The following ADAMTS2 variants were observed in gnomAD, a reference collection of about 807,000 sequenced individuals.
The protein encoded by ADAMTS2 is A disintegrin and metalloproteinase with thrombospondin motifs 2.
In ADAMTS2, 50 loss-of-function variants were observed where a neutral mutation model predicts 123.0. The ratio of observed to expected loss-of-function variants is 0.41; its 90% CI spans 0.32 to 0.51. The LOEUF is 0.51. Ranked by LOEUF, ADAMTS2 falls within the 20% of genes least tolerant of loss-of-function variation. The pLI is 0.35. For synonymous variants in ADAMTS2, 678 were observed against 695.4 expected (o/e 0.98, Z 0.39); for missense variants, 1,494 against 1,705.2 (o/e 0.88, Z 2.18).
rs1359008532 is a variant in ADAMTS2 at position 179,262,379 on chromosome 5, C to T, written c.688+10532G>A. Among the ~76,000 whole-genome samples, 1 of 152,064 alleles carries T rather than the reference C, an allele frequency of 6.6e-6. No homozygotes were observed. The highest frequency in any genetic ancestry group is 1.5e-5 in the Non-Finnish European group (1 of 68,006). On this transcript the variant is annotated intron_variant, in intron 3 of 21. Transcript: ENST00000251582. The surrounding 1 kb of genome is among the most constrained non-coding windows in gnomAD (Gnocchi z 5.9). ...CCACTGCCTCCACCGCCATCTGTCACCGGGACTCCTCCCTGCTTCCACACC... is the reference window on the plus strand; with the variant it reads ...CCACTGCCTCCACCGCCATCTGTCATCGGGACTCCTCCCTGCTTCCACACC...
chr5:179,137,796 G>A lies in ADAMTS2; in HGVS notation c.1924C>T (p.His642Tyr). The change falls in exon 12 of 22, where the codon CAC (histidine) becomes TAC (tyrosine). Residue 642 changes from histidine (H) to tyrosine (Y), a missense_variant. This residue lies in a region of ADAMTS2 where 953 missense variants were observed against 1,124.7 expected (regional missense o/e 0.85). Transcript: ENST00000251582. ...LYFEHGDAQH[H>Y]WLPHEHRDAK... The stretch of plus-strand genomic sequence containing the variant: ...TCCCGGTGCTCGTGGGGCAGCCAGT[G>A]GTGCTGGGCGTCGCCGTGCTCGAAG... 6.3e-7 allele frequency: 1 copy of A among 1,578,978 alleles called. No individual in the cohort carries two copies. Among genetic ancestry groups the A allele is most frequent in the Non-Finnish European group, 8.6e-7 (1 of 1,164,844 alleles).
At position 179,126,030 on chromosome 5, in the gene ADAMTS2, T is replaced by A. The variant is rs1762850159; in HGVS notation, c.2718A>T (p.Arg906Ser). ...GGGAGCATTCCTGTGGGTTGCACGC[T>A]CTGCGGATGGCTTTGGGCTTCGAGA... ...AALSKPKAIR[R>S]ACNPQECSQP... The change falls in exon 18 of 22, where the codon AGA (arginine) becomes AGT (serine). Residue 906 changes from arginine (R) to serine (S), a missense_variant. Around this residue, in one of 6 missense-constraint regions of ADAMTS2, gnomAD observed 953 missense variants for 1,124.7 expected, o/e 0.85. Transcript: ENST00000251582. 6.8e-6 allele frequency: 11 copies of A among 1,613,424 alleles called. No homozygotes were observed. Among genetic ancestry groups the A allele is most frequent in the Non-Finnish European group, 8.5e-6 (10 of 1,180,026 alleles).
intron 3 of ADAMTS2, among the ~76,000 whole-genome samples, chr5:179,236,159 C>T (rs1765516812): frequency 6.6e-6 from 1 of 152,220 alleles, no homozygotes; most frequent in African/African-American, 2.4e-5. Context: ...GGAAGAGCTG[C>T]CTTGGGAGCA....
rs1307263157 is a variant in ADAMTS2 at position 179,153,517 on chromosome 5, C to T, written c.1489G>A (p.Gly497Ser). The T allele has an allele frequency of 3.7e-6, 6 of 1,610,412 alleles. No individual in the cohort carries two copies. The highest frequency in any genetic ancestry group is 4.5e-5 in the East Asian group (2 of 44,884). Residue 497 changes from glycine (G) to serine (S), a missense_variant, in exon 9 of 22, where the codon GGC (glycine) becomes AGC (serine). Coordinates refer to ENST00000251582, the MANE Select transcript of ADAMTS2 (RefSeq NM_014244.5). ...GCCGTGCACATCATGTAGCCCAGGC[C>T]GAAGTCAAAGCGGCATTGCTCGTTC... is the stretch of plus-strand genomic sequence containing the variant. ...SMNEQCRFDF[G>S]LGYMMCTAFR...
In ADAMTS2 at chr5:179,128,447, T is replaced by C. The variant is rs985437072; in HGVS notation, c.2458-329A>G. Among the ~76,000 whole-genome samples the C allele has an allele frequency of 2.0e-5, 3 of 152,112 alleles. No homozygotes were observed. Among genetic ancestry groups the C allele is most frequent in the African/African-American group, 4.8e-5 (2 of 41,430 alleles). On this transcript the variant is annotated intron_variant, in intron 16 of 21. Coordinates refer to ENST00000251582, the MANE Select transcript of ADAMTS2 (RefSeq NM_014244.5). The surrounding 1 kb of genome is among the most constrained non-coding windows in gnomAD (Gnocchi z 4.9). ...CGCTCTTGTAGCCCAGGCTGGAGTG[T>C]AGTGGCACGATCTCGGCTCACTGCA... is the stretch of plus-strand genomic sequence containing the variant.
intron 2 of ADAMTS2, among the ~76,000 whole-genome samples, chr5:179,324,548 G>T (rs186850121): frequency 1.3e-5 from 2 of 151,950 alleles, no homozygotes; most frequent in Non-Finnish European, 2.9e-5. Flanking sequence ...CCGCCACCAC[G>T]CCCGGCTAGT....
rs374177400 is a variant in ADAMTS2, at chr5:179,111,242, G to A, written c.*2625C>T. 1 of 152,324 alleles carries A rather than the reference G, an allele frequency of 6.6e-6. No homozygotes were observed. The highest frequency in any genetic ancestry group is 2.4e-5 in the African/African-American group (1 of 41,584). 9.4% of individuals were successfully genotyped at this position (152,324 alleles called of 1,614,324 possible). ...CAGGGACACTGTTGCAGATTTTCTAGTGCAGCGGAAGGTCTGAGTCTCATC... is the reference window on the plus strand; with the variant it reads ...CAGGGACACTGTTGCAGATTTTCTAATGCAGCGGAAGGTCTGAGTCTCATC... On this transcript the variant is annotated 3_prime_UTR_variant, in exon 22 of 22. Coordinates refer to ENST00000251582, the MANE Select transcript of ADAMTS2 (RefSeq NM_014244.5).
At chr5:179,340,295 G>A (rs905787643) in intron 2 of ADAMTS2, among the ~76,000 whole-genome samples, 4 of 152,288 alleles carry the variant, frequency 2.6e-5, no homozygotes, top group African/African-American at 9.6e-5. Context: ...AGGCAGAGGC[G>A]GGCAGGGTTG....
intron 2 of ADAMTS2, among the ~76,000 whole-genome samples, chr5:179,283,645 T>A (rs1232154973): frequency 6.7e-6 from 1 of 148,422 alleles, no homozygotes; most frequent in Non-Finnish European, 1.5e-5. Context: ...AGGCTGGGCA[T>A]GATGTGATCC....
intron 11 of ADAMTS2, among the ~76,000 whole-genome samples, chr5:179,139,277 A>G (rs947124065): frequency 6.6e-6 from 1 of 151,566 alleles, no homozygotes. Flanking sequence ...TGGATGAGAA[A>G]GTGGCTGCGG....
chr5:179,296,560 G>A (rs564167337), intron 2 of ADAMTS2, among the ~76,000 whole-genome samples: 66 of 152,300 alleles, frequency 4.3e-4, no homozygotes, highest in African/African-American at 1.4e-3. Context: ...CAGGCAGGGA[G>A]CAAGTACAGC....
intron 6 of ADAMTS2, among the ~76,000 whole-genome samples, chr5:179,156,034 G>A (rs1052437668): frequency 1.3e-5 from 2 of 152,172 alleles, no homozygotes; most frequent in Non-Finnish European, 2.9e-5. Flanking sequence ...GACGAGCGTG[G>A]AGTCTGTGTG....
rs899917977 is a variant in ADAMTS2 at position 179,117,036 on chromosome 5, A to G, written c.3179-2712T>C. ...TTGAAACTGGCAGAAGGCTTTTCTC[A>G]GATAAAAATCTTACACAGGTGCCCA... On this transcript the variant is annotated intron_variant, in intron 21 of 21. Transcript: ENST00000251582. This position sits in a 1 kb window ranked among gnomAD's most constrained non-coding sequence, Gnocchi z 4.2. Among the ~76,000 whole-genome samples the G allele has an allele frequency of 2.0e-5, 3 of 152,210 alleles. No individual in the cohort carries two copies. The highest frequency in any genetic ancestry group is 2.1e-4 in the South Asian group (1 of 4,832).
chr5:179,283,287 G>A (rs1251713753), intron 2 of ADAMTS2, among the ~76,000 whole-genome samples: 2 of 151,692 alleles, frequency 1.3e-5, no homozygotes, highest in Non-Finnish European at 1.5e-5. Flanking sequence ...ATGGGGGCAG[G>A]CAAAAAATTG....
At chr5:179,127,826 T>A in intron 17 of ADAMTS2, 133 bp downstream of exon 17, 36 of 1,059,892 alleles carry the variant, frequency 3.4e-5, no homozygotes, top group African/African-American at 5.0e-5. Flanking sequence ...CGCTAAGCCC[T>A]TGCCCACCCA....
intron 2 of ADAMTS2, among the ~76,000 whole-genome samples, chr5:179,329,689 A>C (rs534775731): frequency 6.6e-6 from 1 of 152,354 alleles, no homozygotes; most frequent in East Asian, 1.9e-4. Context: ...CCGAAGAAAC[A>C]AAACACCAGC....
intron 2 of ADAMTS2, 135 bp downstream of exon 2, chr5:179,343,632 G>T: frequency 1.6e-6 from 2 of 1,232,706 alleles, no homozygotes; most frequent in Non-Finnish European, 2.3e-6. Flanking sequence ...GGAGCACGAG[G>T]CTCACTAAAG....
chr5:179,132,689 C>T lies in ADAMTS2; in HGVS notation c.2209+88G>A. 1 of 1,584,608 alleles carries T rather than the reference C, an allele frequency of 6.3e-7. No homozygotes were observed. Among genetic ancestry groups the T allele is most frequent in the Non-Finnish European group, 8.7e-7 (1 of 1,155,152 alleles). ...CCAGAACAGTCATAAGCCCGGACAG[C>T]CCCAGGATGAGTCAGGCCCTCAGCT... On this transcript the variant is annotated intron_variant, in intron 14 of 21. Transcript: ENST00000251582. This position sits in a 1 kb window ranked among gnomAD's most constrained non-coding sequence, Gnocchi z 6.1.
intron 3 of ADAMTS2, among the ~76,000 whole-genome samples, chr5:179,214,680 G>A (rs1581195882): frequency 2.0e-5 from 3 of 152,148 alleles, no homozygotes; most frequent in African/African-American, 7.2e-5. Context: ...TACACAAAAA[G>A]TAGTATAATA....
Sources: allele counts gnomAD v4.1 joint callset (sites outside exome capture counted in the v4.1 genomes callset), GRCh38; gene constraint gnomAD v4.1.1; regional missense constraint gnomAD v4.1.1; non-coding constraint Gnocchi (gnomAD v3.1); transcripts MANE v1.5; gene names NCBI Gene and HGNC (gene_info 2026-07-23, HGNC 2026-07-21).